The following SPEF2 variants were observed in gnomAD, a reference collection of about 807,000 sequenced individuals.
SPEF2 encodes the protein sperm flagellar and cilia associated 2, also known as sperm flagella and cilia-associated protein 2.
SPEF2 carries 187 observed loss-of-function variants against 224.6 expected under a neutral mutation model. That is an observed-to-expected ratio of 0.83 (90% CI 0.74 to 0.94). The LOEUF is 0.94. Ranked by LOEUF, SPEF2 falls within the 40% of genes least tolerant of loss-of-function variation. The pLI, the probability that SPEF2 is intolerant of heterozygous loss-of-function variation, is 0.00. For missense variants in SPEF2, 2,170 were observed against 2,135.6 expected, an observed-to-expected ratio of 1.02 and a Z score of -0.32; for synonymous variants, 715 against 707.3, an observed-to-expected ratio of 1.01 and a Z score of -0.17.
At chr5:35,692,796 GTCT>G in intron 12 of SPEF2, 72 bp downstream of exon 12, 3 of 1,460,738 alleles carry the variant, frequency 2.1e-6, no homozygotes, top group Non-Finnish European at 2.8e-6. Context: ...AATTTAAAAG[GTCT>G]TCTCTAGACC....
At position 35,641,519 on chromosome 5, in the gene SPEF2, G is replaced by A; in HGVS notation, c.250G>A (p.Gly84Ser). ...GVQFDQNVAH[G>S]IITEKPGVAT... ...GCAGTTTGATCAGAATGTGGCCCAT[G>A]GCATCATCACAGAAAAGCCTGGGGT... The change falls in exon 3 of 37, where the codon GGC becomes AGC. Residue 84 changes from glycine (G) to serine (S), a missense_variant. Transcript: ENST00000356031. 1 of 1,613,754 alleles carries A rather than the reference G, an allele frequency of 6.2e-7. No homozygotes were observed.
intron 10 of SPEF2, among the ~76,000 whole-genome samples, chr5:35,674,281 C>G (rs1751568739): frequency 6.6e-6 from 1 of 151,008 alleles, no homozygotes; most frequent in South Asian, 2.1e-4. Flanking sequence ...GACTGCCTTC[C>G]TGCTGTGTTC....
chr5:35,689,289 G>A (rs1754098091), intron 10 of SPEF2, among the ~76,000 whole-genome samples: 1 of 151,854 alleles, frequency 6.6e-6, no homozygotes, highest in South Asian at 2.1e-4. Context: ...TACTATAGTT[G>A]TACCTAACAT....
intron 34 of SPEF2, among the ~76,000 whole-genome samples, chr5:35,801,633 C>G (rs546751372): frequency 7.4e-4 from 112 of 152,288 alleles, no homozygotes; most frequent in Non-Finnish European, 9.3e-4. Flanking sequence ...GTTCCCTAAA[C>G]TAACTCTGGA....
intron 18 of SPEF2, among the ~76,000 whole-genome samples, chr5:35,708,650 C>T (rs142102161): frequency 2.1e-3 from 9 of 4,298 alleles, no homozygotes; most frequent in East Asian, 6.4e-3. Flanking sequence ...ACCAGCACCT[C>T]CACCACCACT....
chr5:35,801,521 A>C (rs1293440280), intron 34 of SPEF2, among the ~76,000 whole-genome samples: 2 of 152,206 alleles, frequency 1.3e-5, no homozygotes, highest in African/African-American at 2.4e-5. Flanking sequence ...TCAAAAAAAA[A>C]AAAAATTCCC....
At chr5:35,696,895 G>A (rs113224997) in intron 14 of SPEF2, among the ~76,000 whole-genome samples, 7 of 152,262 alleles carry the variant, frequency 4.6e-5, no homozygotes, top group South Asian at 2.1e-4. Context: ...ACTGGATCTG[G>A]GGAAGTGTTC....
At chr5:35,785,676 G>T (rs1479001972) in intron 30 of SPEF2, among the ~76,000 whole-genome samples, 1 of 150,708 alleles carries the variant, frequency 6.6e-6, no homozygotes, top group Non-Finnish European at 1.5e-5. Flanking sequence ...TGAGACTACA[G>T]GTGCCTGCAA....
chr5:35,654,735 T>C lies in SPEF2; in HGVS notation c.978+9T>C. ...CCCACGAAGCACAAGAGGTAAGATA[T>C]TTAGATGAAGGTTAAGTAATAGTGC... On this transcript the variant is annotated intron_variant, in intron 7 of 36. Transcript: ENST00000356031. The C allele has an allele frequency of 6.3e-7, 1 of 1,599,362 alleles. No homozygotes were observed. The highest frequency in any genetic ancestry group is 8.5e-7 in the Non-Finnish European group (1 of 1,175,638).
chr5:35,800,783 G>T (rs1580786252), intron 34 of SPEF2, among the ~76,000 whole-genome samples: 1 of 152,160 alleles, frequency 6.6e-6, no homozygotes, highest in African/African-American at 2.4e-5. Flanking sequence ...TTGTTTGGGG[G>T]CTGGAGCAGT....
At chr5:35,694,267 A>G (rs371739819) in intron 12 of SPEF2, 21 bp from the exon 13 acceptor site, 13 of 1,603,904 alleles carry the variant, frequency 8.1e-6, no homozygotes, top group Admixed American at 3.3e-5. Flanking sequence ...ATCCCTCCCT[A>G]TGTGTGTTTT....
chr5:35,643,657 T>A (rs1016539115), intron 3 of SPEF2: 2 of 413,480 alleles, frequency 4.8e-6, no homozygotes, highest in Admixed American at 5.6e-5. Context: ...AGGAAAGAAG[T>A]AGAGATGCCA....
At chr5:35,748,804 C>T (rs1005343527) in intron 23 of SPEF2, among the ~76,000 whole-genome samples, 1 of 151,460 alleles carries the variant, frequency 6.6e-6, no homozygotes, top group Non-Finnish European at 1.5e-5. Flanking sequence ...AAAGCATTAC[C>T]AAAACCAGCA....
intron 10 of SPEF2, chr5:35,670,766 A>G: frequency 1.0e-6 from 1 of 985,024 alleles, no homozygotes; most frequent in Non-Finnish European, 1.2e-6. Flanking sequence ...GACAGACTAG[A>G]GCTACATTAC....
intron 16 of SPEF2, 140 bp downstream of exon 16, chr5:35,700,892 C>T (rs1738485669): frequency 7.0e-6 from 7 of 1,003,626 alleles, no homozygotes; most frequent in African/African-American, 1.6e-5. Flanking sequence ...TAGTTGAGCA[C>T]AGTTGCCTCT....
intron 36 of SPEF2, among the ~76,000 whole-genome samples, chr5:35,814,212 C>G (rs1245353124): frequency 6.6e-6 from 1 of 152,092 alleles, no homozygotes; most frequent in Admixed American, 6.6e-5. Context: ...GTTAATTAAC[C>G]TAATATGACA....
At chr5:35,640,768 G>A (rs774381140) in intron 2 of SPEF2, among the ~76,000 whole-genome samples, 22 of 152,078 alleles carry the variant, frequency 1.4e-4, no homozygotes, top group Non-Finnish European at 2.2e-4. Context: ...AGTACACAGA[G>A]GAAACAGGAC....
At chr5:35,811,419 A>G in intron 36 of SPEF2, among the ~76,000 whole-genome samples, 1 of 152,338 alleles carries the variant, frequency 6.6e-6, no homozygotes, top group East Asian at 1.9e-4. Context: ...ATTTTAAGAT[A>G]CATATTTGAA....
chr5:35,776,697 A>G (rs1753651953), intron 29 of SPEF2, among the ~76,000 whole-genome samples: 1 of 152,330 alleles, frequency 6.6e-6, no homozygotes, highest in Non-Finnish European at 1.5e-5. Flanking sequence ...ATTATAGGTA[A>G]TTTAAAAATA....
Sources: allele counts gnomAD v4.1 joint callset (sites outside exome capture counted in the v4.1 genomes callset), GRCh38; gene constraint gnomAD v4.1.1; transcripts MANE v1.5; gene names NCBI Gene and HGNC (gene_info 2026-07-23, HGNC 2026-07-21).